The following ADGRB3 variants were observed in gnomAD, a reference collection of about 807,000 sequenced individuals.
ADGRB3 encodes the protein adhesion G protein-coupled receptor B3.
ADGRB3 carries 37 observed loss-of-function variants against 193.4 expected under a neutral mutation model. The ratio of observed to expected loss-of-function variants is 0.19; its 90% CI spans 0.15 to 0.25. The LOEUF (loss-of-function observed/expected upper bound fraction) is 0.25, where lower values mean the gene tolerates loss of function less well. Ranked by LOEUF, ADGRB3 falls within the 10% of genes least tolerant of loss-of-function variation. The pLI, the probability that ADGRB3 is intolerant of heterozygous loss-of-function variation, is 1.00. For missense variants in ADGRB3, 1,637 were observed against 1,852.9 expected (o/e 0.88, Z 2.14); for synonymous variants, 690 against 644.2 (o/e 1.07, Z -1.08).
chr6:68,788,672 G>T lies in ADGRB3; in HGVS notation c.758-141887G>T, dbSNP rs538670322. Among the ~76,000 whole-genome samples, 49 of 152,240 alleles carry T rather than the reference G, an allele frequency of 3.2e-4. No individual in the cohort carries two copies. The South Asian group carries it at 0.01, about 32-fold the overall frequency. On this transcript the variant is annotated intron_variant, in intron 3 of 31. Transcript: ENST00000370598. The stretch of plus-strand genomic sequence containing the variant: ...AGTTCTAGAGATGTCTATTAGGTCC[G>T]CTTGGCGCAGAGCTGAGTTCAATTC...
intron 26 of ADGRB3, 49 bp downstream of exon 26, chr6:69,339,553 T>G: frequency 6.4e-7 from 1 of 1,553,926 alleles, no homozygotes; most frequent in Non-Finnish European, 8.8e-7. Flanking sequence ...GAATGGTATT[T>G]CCTTGCTAAA....
intron 3 of ADGRB3, among the ~76,000 whole-genome samples, chr6:68,721,540 G>A (rs986650280): frequency 6.6e-6 from 1 of 151,190 alleles, no homozygotes; most frequent in African/African-American, 2.4e-5. Flanking sequence ...ACGAGTTAAT[G>A]GGTGCAGCAC....
chr6:68,651,397 CAT>C (rs1768363375), intron 3 of ADGRB3, among the ~76,000 whole-genome samples: 2 of 152,084 alleles, frequency 1.3e-5, no homozygotes, highest in African/African-American at 2.4e-5. Flanking sequence ...CTTTTAAAAA[CAT>C]ATGAGTTCTT....
intron 17 of ADGRB3, among the ~76,000 whole-genome samples, chr6:69,198,353 C>G (rs1382101390): frequency 6.6e-6 from 1 of 151,992 alleles, no homozygotes; most frequent in Non-Finnish European, 1.5e-5. Flanking sequence ...AAAGCCCCCA[C>G]TCTCACGATT....
chr6:69,134,310 A>T (rs965930698), intron 17 of ADGRB3, among the ~76,000 whole-genome samples: 5 of 152,008 alleles, frequency 3.3e-5, no homozygotes, highest in African/African-American at 1.2e-4. Context: ...GGTAAATCCT[A>T]TTTTCTCCAG....
chr6:69,025,147 A>G (rs1770396215), intron 13 of ADGRB3, among the ~76,000 whole-genome samples: 1 of 152,072 alleles, frequency 6.6e-6, no homozygotes, highest in Non-Finnish European at 1.5e-5. Context: ...TAAGTTTGTC[A>G]GGATGAAAAT....
chr6:68,898,383 G>A (rs548539036), intron 3 of ADGRB3, among the ~76,000 whole-genome samples: 6 of 152,176 alleles, frequency 3.9e-5, no homozygotes, highest in African/African-American at 1.4e-4. Context: ...TCTTTACTCA[G>A]TTTACTGATT....
chr6:69,305,466 G>A (rs549067183), intron 20 of ADGRB3, among the ~76,000 whole-genome samples: 2 of 151,570 alleles, frequency 1.3e-5, no homozygotes, highest in South Asian at 4.2e-4. Flanking sequence ...CCACCCATCT[G>A]CTATGAAGGA....
intron 3 of ADGRB3, among the ~76,000 whole-genome samples, chr6:68,888,491 A>T (rs1410052706): frequency 6.6e-6 from 1 of 151,116 alleles, no homozygotes; most frequent in Non-Finnish European, 1.5e-5. Flanking sequence ...CATTTATTCA[A>T]TTTATGTTTA....
chr6:68,828,340 G>A (rs553883484), intron 3 of ADGRB3, among the ~76,000 whole-genome samples: 18 of 152,226 alleles, frequency 1.2e-4, no homozygotes, highest in Non-Finnish European at 2.1e-4. Flanking sequence ...AGATGTTCTA[G>A]CACATTTTCC....
chr6:69,186,191 A>G (rs1446415903), intron 17 of ADGRB3, among the ~76,000 whole-genome samples: 1 of 151,988 alleles, frequency 6.6e-6, no homozygotes, highest in Admixed American at 6.6e-5. Flanking sequence ...AAAAAAAAAA[A>G]AAAAAAATTG....
intron 13 of ADGRB3, among the ~76,000 whole-genome samples, chr6:69,044,707 A>G (rs1296761228): frequency 6.6e-6 from 1 of 152,248 alleles, no homozygotes; most frequent in East Asian, 1.9e-4. Context: ...AAGGTTTATC[A>G]GTGATGAGTC....
At chr6:68,823,233 A>G (rs1767779412) in intron 3 of ADGRB3, among the ~76,000 whole-genome samples, 1 of 152,050 alleles carries the variant, frequency 6.6e-6, no homozygotes. Flanking sequence ...GGCTAGTAGG[A>G]ACACTTGTCA....
intron 17 of ADGRB3, among the ~76,000 whole-genome samples, chr6:69,139,482 T>G (rs1774257025): frequency 6.6e-6 from 1 of 152,230 alleles, no homozygotes; most frequent in South Asian, 2.1e-4. Context: ...TAAAGTTGCA[T>G]TTTATGTGAG....
intron 3 of ADGRB3, among the ~76,000 whole-genome samples, chr6:68,901,216 TATCTCAA>T (rs1766384769): frequency 4.6e-5 from 7 of 152,052 alleles, no homozygotes; most frequent in Admixed American, 3.9e-4. Flanking sequence ...AATATGGTCT[TATCTCAA>T]GACTCAGCTG....
At chr6:68,727,221 G>A (rs564770998) in intron 3 of ADGRB3, among the ~76,000 whole-genome samples, 2 of 151,508 alleles carry the variant, frequency 1.3e-5, no homozygotes, top group African/African-American at 4.8e-5. Context: ...TGTTGAAATT[G>A]TGAAAACAAA....
chr6:68,981,223 G>A (rs894172474), intron 10 of ADGRB3, among the ~76,000 whole-genome samples: 3 of 151,480 alleles, frequency 2.0e-5, no homozygotes, highest in Non-Finnish European at 4.4e-5. Flanking sequence ...TCTAAAATGG[G>A]CAGAAGTCTC....
At chr6:68,979,949 C>A (rs996196628) in intron 10 of ADGRB3, among the ~76,000 whole-genome samples, 1 of 151,254 alleles carries the variant, frequency 6.6e-6, no homozygotes, top group Non-Finnish European at 1.5e-5. Context: ...AATGTATGCC[C>A]CTGTAGGTAG....
At chr6:69,388,256 C>G (rs968359557) in intron 31 of ADGRB3, among the ~76,000 whole-genome samples, 1 of 152,080 alleles carries the variant, frequency 6.6e-6, no homozygotes, top group Non-Finnish European at 1.5e-5. Flanking sequence ...AATTCTGTTA[C>G]CTTGAGTAAC....
Sources: allele counts gnomAD v4.1 joint callset (sites outside exome capture counted in the v4.1 genomes callset), GRCh38; gene constraint gnomAD v4.1.1; transcripts MANE v1.5; gene names NCBI Gene and HGNC (gene_info 2026-07-23, HGNC 2026-07-21).